Variants in NUBPL observed in about 807,000 individuals in gnomAD.
The protein encoded by NUBPL is iron-sulfur cluster transfer protein NUBPL.
In NUBPL, 31 loss-of-function variants were observed where a neutral mutation model predicts 45.7. That is an observed-to-expected ratio of 0.68 (90% CI 0.51 to 0.92). NUBPL has a LOEUF of 0.92. NUBPL is among the 40% of genes least tolerant of loss of function. NUBPL has a pLI of 0.00. For synonymous variants in NUBPL, 144 were observed against 140.9 expected, an observed-to-expected ratio of 1.02 and a Z score of -0.15; for missense variants, 401 against 398.7, an observed-to-expected ratio of 1.01 and a Z score of -0.05.
chr14:31,628,858 C>T (rs1566459017), intron 4 of NUBPL, among the ~76,000 whole-genome samples: 2 of 152,070 alleles, frequency 1.3e-5, no homozygotes, highest in African/African-American at 4.8e-5. Flanking sequence ...TACTGTATTA[C>T]CCAGGACATT....
intron 2 of NUBPL, among the ~76,000 whole-genome samples, chr14:31,562,604 G>GTTT (rs34451286): frequency 5.0e-5 from 6 of 119,768 alleles, no homozygotes; most frequent in Non-Finnish European, 9.8e-5. Flanking sequence ...TTTTTTTTTT[G>GTTT]TTTTTTTTTT....
intron 6 of NUBPL, among the ~76,000 whole-genome samples, chr14:31,752,254 T>C (rs1366292605): frequency 6.6e-6 from 1 of 152,228 alleles, no homozygotes; most frequent in Non-Finnish European, 1.5e-5. Flanking sequence ...ACTGCAAATT[T>C]TCTAAACTCT....
chr14:31,729,003 G>C (rs972929309), intron 6 of NUBPL, among the ~76,000 whole-genome samples: 15 of 152,132 alleles, frequency 9.9e-5, no homozygotes, highest in Admixed American at 1.3e-4. Flanking sequence ...AAGTACGGCT[G>C]GGCACGGTGG....
chr14:31,587,010 A>G (rs1393541108), intron 3 of NUBPL, among the ~76,000 whole-genome samples: 2 of 152,196 alleles, frequency 1.3e-5, no homozygotes, highest in East Asian at 3.8e-4. Context: ...CATGAAACCT[A>G]ACGGAAAACA....
intron 3 of NUBPL, among the ~76,000 whole-genome samples, chr14:31,571,669 C>T (rs1262008071): frequency 1.3e-5 from 2 of 152,038 alleles, no homozygotes; most frequent in Non-Finnish European, 2.9e-5. Flanking sequence ...AGGCTGGTCT[C>T]GAACTCCTGA....
chr14:31,620,635 C>A (rs2035033522), intron 4 of NUBPL, among the ~76,000 whole-genome samples: 1 of 152,188 alleles, frequency 6.6e-6, no homozygotes, highest in Admixed American at 6.5e-5. Context: ...AAGATTCCTG[C>A]ATGTTTCTTC....
At chr14:31,693,023 G>GT (rs1405239119) in intron 6 of NUBPL, among the ~76,000 whole-genome samples, 4 of 151,772 alleles carry the variant, frequency 2.6e-5, no homozygotes, top group African/African-American at 9.7e-5. Context: ...AATAAATATT[G>GT]TAAGTTTTTA....
chr14:31,822,472 T>C (rs945394599), intron 7 of NUBPL, among the ~76,000 whole-genome samples: 1 of 152,150 alleles, frequency 6.6e-6, no homozygotes, highest in African/African-American at 2.4e-5. Flanking sequence ...AATAATTACT[T>C]ATATGATATA....
chr14:31,637,509 G>T (rs1213198820), intron 4 of NUBPL, among the ~76,000 whole-genome samples: 1 of 152,108 alleles, frequency 6.6e-6, no homozygotes, highest in Non-Finnish European at 1.5e-5. Context: ...TTACTTCCAA[G>T]TATGTGGTCA....
At chr14:31,834,178 C>CTTT (rs34255943) in intron 8 of NUBPL, among the ~76,000 whole-genome samples, 41,418 of 106,778 alleles carry the variant, frequency 0.39, 9,044 homozygotes, top group African/African-American at 0.5. Flanking sequence ...TGGCCTGGAA[C>CTTT]TTTTTTTTTT....
rs575869847 is a variant in NUBPL, at chr14:31,674,806, CA to C, written c.513+1237del. ...AGCAGAGGTCCAAATGAAGATTTGGCAAAAACAAGCTCTCTGACACATAAAT... is the reference window on the plus strand; with the variant it reads ...AGCAGAGGTCCAAATGAAGATTTGGCAAAACAAGCTCTCTGACACATAAAT... On this transcript the variant is annotated intron_variant, in intron 6 of 10. Coordinates refer to ENST00000281081, the MANE Select transcript of NUBPL (RefSeq NM_025152.3). Among the ~76,000 whole-genome samples the C allele has an allele frequency of 2.4e-4, 37 of 152,184 alleles. No individual in the cohort carries two copies. The East Asian group carries it at 7.1e-3, about 29-fold the overall frequency.
At chr14:31,565,917 T>C (rs939863456) in intron 3 of NUBPL, among the ~76,000 whole-genome samples, 4 of 152,078 alleles carry the variant, frequency 2.6e-5, no homozygotes, top group Admixed American at 2.6e-4. Context: ...TTTCATAGTC[T>C]CATTATTGTT....
At chr14:31,568,697 A>G (rs2033502341) in intron 3 of NUBPL, among the ~76,000 whole-genome samples, 1 of 152,236 alleles carries the variant, frequency 6.6e-6, no homozygotes, top group South Asian at 2.1e-4. Context: ...AAATAGAATG[A>G]TGTCTTTTGT....
intron 6 of NUBPL, chr14:31,771,925 C>A: frequency 2.1e-6 from 2 of 973,218 alleles, no homozygotes; most frequent in Non-Finnish European, 1.2e-6. Flanking sequence ...CAGATCATCC[C>A]TAGCATGCAG....
At chr14:31,689,199 G>T (rs529577412) in intron 6 of NUBPL, among the ~76,000 whole-genome samples, 1 of 152,174 alleles carries the variant, frequency 6.6e-6, no homozygotes, top group East Asian at 1.9e-4. Context: ...TGGGATTGTT[G>T]GGTTGAATGG....
chr14:31,768,898 C>T (rs987475875), intron 6 of NUBPL, among the ~76,000 whole-genome samples: 1 of 152,000 alleles, frequency 6.6e-6, no homozygotes, highest in Non-Finnish European at 1.5e-5. Context: ...CCGACTTATG[C>T]CATGTATGTC....
chr14:31,677,904 G>T (rs1349530647), intron 6 of NUBPL, among the ~76,000 whole-genome samples: 1 of 152,152 alleles, frequency 6.6e-6, no homozygotes, highest in African/African-American at 2.4e-5. Flanking sequence ...AGTTCTCCCA[G>T]ACCCCAGGTG....
At chr14:31,757,094 TC>T (rs897476761) in intron 6 of NUBPL, among the ~76,000 whole-genome samples, 3 of 151,862 alleles carry the variant, frequency 2.0e-5, no homozygotes, top group African/African-American at 4.8e-5. Context: ...GCTGCTGGAT[TC>T]GGTTTGCCAG....
chr14:31,577,942 G>T (rs2033759157), intron 3 of NUBPL: 1 of 1,288,394 alleles, frequency 7.8e-7, no homozygotes, highest in African/African-American at 1.5e-5. Context: ...CCATTAGAGT[G>T]ACCATGACTT....
Sources: gnomAD v4.1 joint callset for allele counts (sites outside exome capture counted in the v4.1 genomes callset) on GRCh38, gnomAD v4.1.1 for gene constraint, MANE v1.5 for transcripts, NCBI Gene and HGNC (gene_info 2026-07-23, HGNC 2026-07-21) for gene names.